Variants in PDE1C observed in about 807,000 individuals in gnomAD.
PDE1C encodes dual specificity calcium/calmodulin-dependent 3',5'-cyclic nucleotide phosphodiesterase 1C.
Under a neutral mutation model 93.1 loss-of-function variants are expected in PDE1C, and 62 were observed. The ratio of observed to expected loss-of-function variants is 0.67; its 90% CI spans 0.54 to 0.82. The LOEUF (loss-of-function observed/expected upper bound fraction) is 0.82. Among genes scored for constraint, PDE1C ranks in the 40% least tolerant of loss-of-function variants. The pLI is 0.00. For synonymous variants in PDE1C, 325 were observed against 310.1 expected (o/e 1.05, Z -0.50); for missense variants, 742 against 884.6 (o/e 0.84, Z 2.04).
At chr7:32,412,370 C>A (rs531661688) in intron 1 of PDE1C, among the ~76,000 whole-genome samples, 1 of 150,970 alleles carries the variant, frequency 6.6e-6, no homozygotes, top group East Asian at 2.0e-4. Flanking sequence ...GCAGGAGAAT[C>A]ACTTGAACCC....
intron 1 of PDE1C, among the ~76,000 whole-genome samples, chr7:32,360,947 G>C (rs748008110): frequency 6.6e-6 from 1 of 152,196 alleles, no homozygotes; most frequent in Non-Finnish European, 1.5e-5. Context: ...CGGTTGAAGA[G>C]CTTTATGGGT....
At position 32,318,049 on chromosome 7, in the gene PDE1C, C is replaced by A. The variant is rs550646665; in HGVS notation, c.311-108510G>T. ...CAACTAGTTAGCTCTGGTGCCAGCA[C>A]CAGACTGCCCACGTTATTTCCAATG... On this transcript the variant is annotated intron_variant, in intron 1 of 1. Transcript: ENST00000672256. Among the ~76,000 whole-genome samples the A allele has an allele frequency of 5.5e-4, 84 of 152,260 alleles. No individual in the cohort carries two copies. In the South Asian group the frequency reaches 0.012, roughly 21 times the overall value.
chr7:32,222,119 C>A (rs1806913321), intron 1 of PDE1C, among the ~76,000 whole-genome samples: 1 of 152,160 alleles, frequency 6.6e-6, no homozygotes, highest in East Asian at 1.9e-4. Flanking sequence ...CACGCACACA[C>A]ACAAATGCAC....
chr7:32,154,580 C>T (rs1446149646), intron 3 of PDE1C, among the ~76,000 whole-genome samples: 1 of 152,190 alleles, frequency 6.6e-6, no homozygotes, highest in Non-Finnish European at 1.5e-5. Flanking sequence ...TCCATCCTCC[C>T]ATCATTATTG....
At chr7:31,815,880 T>C (rs766104590) in intron 15 of PDE1C, 44 bp downstream of exon 15, 29 of 1,401,984 alleles carry the variant, frequency 2.1e-5, no homozygotes, top group Non-Finnish European at 2.9e-5. Flanking sequence ...CATTATGTCA[T>C]TAATGCCGCG....
rs918223250 is a variant in PDE1C at position 32,408,393 on chromosome 7, G to A, written c.310+19429C>T. Among the ~76,000 whole-genome samples, 6 of 152,300 alleles carry A rather than the reference G, an allele frequency of 3.9e-5. No individual in the cohort carries two copies. The South Asian group carries it at 1.2e-3, about 32-fold the overall frequency. On this transcript the variant is annotated intron_variant, in intron 1 of 1. Transcript: ENST00000672256. Reference sequence around the variant, plus strand: ...AATAACAGCAGAATCTAGAAATCAGGAACTTGGGATGCCTGGGAGGAATGT... The same window carrying A: ...AATAACAGCAGAATCTAGAAATCAGAAACTTGGGATGCCTGGGAGGAATGT...
rs568064213 is a variant in PDE1C, at chr7:31,775,601, G to A, written c.1960+63C>T. 5.3e-4 allele frequency: 737 copies of A among 1,393,410 alleles called. 1 individual carries two copies. The highest frequency in any genetic ancestry group is 9.3e-4 in the Admixed American group (54 of 57,996). The allele number at this position is 1,393,410 out of a possible 1,614,324, so 86.3% of individuals were successfully genotyped here. ...TTCTCAGTTTATCAACCCAATTCCC[G>A]AGAAACCAGGCCTTTCCATTGTCTG... On this transcript the variant is annotated intron_variant, in intron 17 of 17. Transcript: ENST00000396191.
chr7:32,046,328 C>G (rs1436675360), intron 2 of PDE1C, among the ~76,000 whole-genome samples: 2 of 151,926 alleles, frequency 1.3e-5, no homozygotes, highest in Admixed American at 1.3e-4. Context: ...TTCAGTATGC[C>G]CATACTTTCA....
chr7:32,054,443 G>A (rs1793783123), intron 1 of PDE1C, among the ~76,000 whole-genome samples: 1 of 152,164 alleles, frequency 6.6e-6, no homozygotes, highest in African/African-American at 2.4e-5. Flanking sequence ...CCATGTAAGA[G>A]GCATTCTAAG....
chr7:31,643,659 G>T, the PDE1C span: 3 of 1,613,932 alleles, frequency 1.9e-6, no homozygotes, highest in African/African-American at 4.0e-5. Context: ...CTTCCATTCA[G>T]ACTTCAGCTC....
At chr7:31,626,122 C>G in the PDE1C span, among the ~76,000 whole-genome samples, 1 of 151,870 alleles carries the variant, frequency 6.6e-6, no homozygotes, top group Admixed American at 6.6e-5. Flanking sequence ...CATGTTTTAC[C>G]AAGAAAAAAG....
intron 3 of PDE1C, among the ~76,000 whole-genome samples, chr7:32,158,286 C>A (rs1801700534): frequency 6.6e-6 from 1 of 152,096 alleles, no homozygotes; most frequent in Non-Finnish European, 1.5e-5. Flanking sequence ...GCCTCGTTGC[C>A]CGAGCCAGAG....
chr7:31,638,196 T>C, the PDE1C span, among the ~76,000 whole-genome samples: 1 of 152,156 alleles, frequency 6.6e-6, no homozygotes. Flanking sequence ...GGAAAACGGG[T>C]GGTATTTTTG....
At chr7:32,299,381 T>C, upstream of PDE1C, 1 of 985,630 alleles carries the variant, frequency 1.0e-6, no homozygotes, top group Non-Finnish European at 1.2e-6. Flanking sequence ...AGCACTGGCC[T>C]GGAGCCCCGA....
chr7:31,669,676 C>T, the PDE1C span, among the ~76,000 whole-genome samples: 1 of 152,054 alleles, frequency 6.6e-6, no homozygotes, highest in Non-Finnish European at 1.5e-5. Context: ...TCTTCTTGCC[C>T]AAGGGGTTAT....
At chr7:31,887,141 G>A (rs964442370) in intron 2 of PDE1C, among the ~76,000 whole-genome samples, 1 of 152,172 alleles carries the variant, frequency 6.6e-6, no homozygotes, top group African/African-American at 2.4e-5. Context: ...GAACAGCACA[G>A]TGTGAATACT....
At chr7:32,219,696 G>A (rs938640806) in intron 1 of PDE1C, among the ~76,000 whole-genome samples, 14 of 152,214 alleles carry the variant, frequency 9.2e-5, no homozygotes, top group East Asian at 3.9e-4. Flanking sequence ...CTGCTGGCTC[G>A]CATGGGGCCC....
chr7:31,691,997 C>T, the PDE1C span, among the ~76,000 whole-genome samples: 1 of 152,132 alleles, frequency 6.6e-6, no homozygotes, highest in Non-Finnish European at 1.5e-5. Context: ...TCTGTCTCCT[C>T]ATCTGTGAAG....
intron 1 of PDE1C, among the ~76,000 whole-genome samples, chr7:32,329,417 C>T (rs1030054795): frequency 1.3e-5 from 2 of 152,082 alleles, no homozygotes; most frequent in Non-Finnish European, 2.9e-5. Flanking sequence ...TCAACAGAGA[C>T]CACCTCGGAG....
Sources: gnomAD v4.1 joint callset for allele counts (sites outside exome capture counted in the v4.1 genomes callset) on GRCh38, gnomAD v4.1.1 for gene constraint, MANE v1.5 for transcripts, NCBI Gene and HGNC (gene_info 2026-07-23, HGNC 2026-07-21) for gene names.